Variants in UPF3A observed in about 807,000 individuals in gnomAD.
The protein encoded by UPF3A is regulator of nonsense transcripts 3A.
Under a neutral mutation model 53.5 loss-of-function variants are expected in UPF3A, and 42 were observed. The ratio of observed to expected loss-of-function variants is 0.78; its 90% CI spans 0.61 to 1.01. The LOEUF (loss-of-function observed/expected upper bound fraction) is 1.01. UPF3A is among the 50% of genes least tolerant of loss of function. The probability of loss-of-function intolerance (pLI) is 0.00; values close to 1 mark genes in which losing one functional copy is unlikely to be tolerated. For synonymous variants in UPF3A, 237 were observed against 225.3 expected (o/e 1.05, Z -0.47); for missense variants, 575 against 598.0 (o/e 0.96, Z 0.40).
intron 3 of UPF3A, among the ~76,000 whole-genome samples, chr13:114,284,534 T>TA (rs535271853): frequency 0.058 from 7,311 of 126,460 alleles, 206 homozygotes; most frequent in African/African-American, 0.071. Context: ...CTGTCTCTAC[T>TA]AAAAAAAAAA....
In UPF3A at chr13:114,304,823, C is replaced by T. The variant is rs1249812353; in HGVS notation, c.1337C>T (p.Ala446Val). 1 of 1,613,842 alleles carries T rather than the reference C, an allele frequency of 6.2e-7. No individual in the cohort carries two copies. The highest frequency in any genetic ancestry group is 8.5e-7 in the Non-Finnish European group (1 of 1,179,798). Reference sequence around the variant, plus strand: ...GCCTTGCAGCTGTATGATCCAGGAGCTCGCTTCCGAGCGCGAGAGTGTGGC... The same window carrying T: ...GCCTTGCAGCTGTATGATCCAGGAGTTCGCTTCCGAGCGCGAGAGTGTGGC... ...RPALQLYDPG[A>V]RFRARECGGN... The change falls in exon 10 of 10, where the codon GCT becomes GTT. Residue 446 changes from alanine (A) to valine (V), a missense_variant. Transcript: ENST00000375299.
chr13:114,300,916 C>G (rs1293630657), intron 8 of UPF3A, among the ~76,000 whole-genome samples: 1 of 151,834 alleles, frequency 6.6e-6, no homozygotes, highest in African/African-American at 2.4e-5. Flanking sequence ...CTCAAATGAT[C>G]TGCCTGCCCC....
intron 2 of UPF3A, 38 bp from the exon 3 acceptor site, chr13:114,282,799 T>G: frequency 3.2e-6 from 5 of 1,582,072 alleles, no homozygotes; most frequent in Non-Finnish European, 4.3e-6. Flanking sequence ...ACTATTGTAT[T>G]TTTCACTGAC....
chr13:114,286,430 AGCTGCC>A (rs1358250699), intron 4 of UPF3A, 30 bp downstream of exon 4: 1 of 1,613,040 alleles, frequency 6.2e-7, no homozygotes, highest in Admixed American at 1.7e-5. Flanking sequence ...TACGTTATGA[AGCTGCC>A]AAATTAAGAA....
chr13:114,282,487 G>T (rs575772588), intron 2 of UPF3A: 1 of 985,414 alleles, frequency 1.0e-6, no homozygotes, highest in African/African-American at 1.7e-5. Flanking sequence ...TGGCCTCCAC[G>T]CTGGTGCCGC....
chr13:114,288,721 A>C (rs1450610640), intron 5 of UPF3A, among the ~76,000 whole-genome samples: 1 of 152,116 alleles, frequency 6.6e-6, no homozygotes, highest in East Asian at 1.9e-4. Context: ...CGACAGACGG[A>C]TAGGGTGTGG....
At chr13:114,295,105 C>G (rs2085748332) in intron 7 of UPF3A, among the ~76,000 whole-genome samples, 1 of 142,750 alleles carries the variant, frequency 7.0e-6, no homozygotes, top group Non-Finnish European at 1.5e-5. Context: ...GAGCAAGACT[C>G]CGTCTCAAAA....
rs2084259179 is a variant in UPF3A, at chr13:114,282,865, T to C, written c.343T>C (p.Tyr115His). 6.2e-7 allele frequency: 1 copy of C among 1,610,990 alleles called. No individual in the cohort carries two copies. Among genetic ancestry groups the C allele is most frequent in the Non-Finnish European group, 8.5e-7 (1 of 1,177,952 alleles). ...TTATCCTCATCTCTACTCAAGAGCA[T>C]ACATTAATTTTAGGAATCCTGATGA... Reference protein sequence around the residue: ...SLYPHLYSRAYINFRNPDDIL... With the variant: ...SLYPHLYSRAHINFRNPDDIL... Residue 115 changes from tyrosine (Y) to histidine (H), a missense_variant, in exon 3 of 10, where the codon TAC (tyrosine) becomes CAC (histidine). Physicochemically the swap from Tyr to His is moderately conservative, Grantham distance 83. This residue lies in a region of UPF3A where 252 missense variants were observed against 182.7 expected (regional missense o/e 1.38). Transcript: ENST00000375299.
At position 114,281,895 on chromosome 13, in the gene UPF3A, T is replaced by TGAGTGGAGGGAGTGGAGG. The variant is rs771513325; in HGVS notation, c.207+61_207+62insTGGAGGGAGTGGAGGGAG. Reference sequence around the variant, plus strand: ...AAACCTCGCGAGGAGAGGACGGCCCTGAGTGGAGGGAGGGGAGGGAGGGGA... The same window carrying TGAGTGGAGGGAGTGGAGG: ...AAACCTCGCGAGGAGAGGACGGCCCTGAGTGGAGGGAGTGGAGGGAGTGGAGGGAGGGGAGGGAGGGGA... On this transcript the variant is annotated intron_variant, in intron 1 of 9. Coordinates refer to ENST00000375299, the MANE Select transcript of UPF3A (RefSeq NM_023011.4). 4.8e-6 allele frequency: 4 copies of TGAGTGGAGGGAGTGGAGG among 833,774 alleles called. No individual in the cohort carries two copies. The African/African-American group carries it at 1.2e-4, about 24-fold the overall frequency. 51.6% of individuals were successfully genotyped at this position (833,774 alleles called of 1,614,324 possible).
intron 5 of UPF3A, chr13:114,286,843 T>C: frequency 1.8e-6 from 1 of 556,926 alleles, no homozygotes; most frequent in South Asian, 2.3e-5. Context: ...CACGTGATTT[T>C]TTTAGTTAAG....
chr13:114,299,346 T>A (rs1180678509), intron 8 of UPF3A, among the ~76,000 whole-genome samples: 1 of 152,244 alleles, frequency 6.6e-6, no homozygotes, highest in East Asian at 1.9e-4. Flanking sequence ...TTTTGTTTTT[T>A]ATTTTTCTCT....
At chr13:114,298,602 C>A (rs1037579543) in intron 7 of UPF3A, among the ~76,000 whole-genome samples, 1 of 152,142 alleles carries the variant, frequency 6.6e-6, no homozygotes, top group East Asian at 1.9e-4. Flanking sequence ...TTATTCATTA[C>A]GTGAACATCT....
intron 5 of UPF3A, among the ~76,000 whole-genome samples, chr13:114,290,947 C>G (rs749937133): frequency 2.0e-5 from 3 of 151,732 alleles, no homozygotes; most frequent in African/African-American, 7.3e-5. Context: ...GTTGGTCAGG[C>G]TGGTCTCGAA....
rs527994585 is a variant in UPF3A at position 114,287,876 on chromosome 13, G to T, written c.631+1247G>T. On this transcript the variant is annotated intron_variant, in intron 5 of 9. Coordinates refer to ENST00000375299, the MANE Select transcript of UPF3A (RefSeq NM_023011.4). ...GGCTGGAGTGCGGTGGCACAATCTC[G>T]GCTCACTGCAACCTCTGCCTTCCCA... Among the ~76,000 whole-genome samples, 8 of 152,078 alleles carry T rather than the reference G, an allele frequency of 5.3e-5. 1 individual carries two copies. The South Asian group carries it at 1.7e-3, about 32-fold the overall frequency.
rs760010462 is a variant in UPF3A, at chr13:114,281,987, C to T, written c.208-34C>T. On this transcript the variant is annotated intron_variant, in intron 1 of 9. Transcript: ENST00000375299. Reference sequence around the variant, plus strand: ...CCTTTTGAGCTCCTTGTCCACGCTCCGCCCCGGTGGGAACGGCCGCGCGCT... The same window carrying T: ...CCTTTTGAGCTCCTTGTCCACGCTCTGCCCCGGTGGGAACGGCCGCGCGCT... 4 of 1,530,368 alleles carry T rather than the reference C, an allele frequency of 2.6e-6. 1 individual carries two copies. In the South Asian group the frequency reaches 3.6e-5, roughly 14 times the overall value. The allele number at this position is 1,530,368 out of a possible 1,614,324, so 94.8% of individuals were successfully genotyped here. A position where few individuals can be genotyped will look rare whatever the true frequency, so the allele number is the denominator to read the frequency against.
Position 114,304,923 on chromosome 13 carries a change from T to C in UPF3A, c.*6T>C. On this transcript the variant is annotated 3_prime_UTR_variant, in exon 10 of 10. Coordinates refer to ENST00000375299, the MANE Select transcript of UPF3A (RefSeq NM_023011.4). ...AGAGGGAAGAGGCAGAGTGAGTCAC[T>C]GCACGCACCTGGCCTCCATGGACGA... 1.2e-6 allele frequency: 2 copies of C among 1,611,528 alleles called. No individual in the cohort carries two copies. The highest frequency in any genetic ancestry group is 1.7e-6 in the Non-Finnish European group (2 of 1,178,854).
chr13:114,297,078 T>C (rs996229736), intron 7 of UPF3A, among the ~76,000 whole-genome samples: 3 of 152,224 alleles, frequency 2.0e-5, no homozygotes, highest in African/African-American at 7.2e-5. Context: ...CCACCTTGCA[T>C]GATGCGTTGT....
At position 114,302,040 on chromosome 13, in the gene UPF3A, C is replaced by T; in HGVS notation, c.1302+15C>T. 6.6e-7 allele frequency: 1 copy of T among 1,504,160 alleles called. No homozygotes were observed. Among genetic ancestry groups the T allele is most frequent in the Non-Finnish European group, 8.9e-7 (1 of 1,126,466 alleles). 93.2% of individuals were successfully genotyped at this position (1,504,160 alleles called of 1,614,324 possible). A position where few individuals can be genotyped will look rare whatever the true frequency, so the allele number is the denominator to read the frequency against. ...TGGCAAACAAGGTTTTTATTAAACC[C>T]AAAAAGAAAAATGTGTCTGGCTGTC... is the stretch of plus-strand genomic sequence containing the variant. On this transcript the variant is annotated intron_variant, in intron 9 of 9. Coordinates refer to ENST00000375299, the MANE Select transcript of UPF3A (RefSeq NM_023011.4).
At chr13:114,295,237 TGGGAGGGAGCACAGCTG>T (rs1360838234) in intron 7 of UPF3A, among the ~76,000 whole-genome samples, 2 of 152,130 alleles carry the variant, frequency 1.3e-5, no homozygotes, top group African/African-American at 4.8e-5. Flanking sequence ...AGGCGAGGGC[TGGGAGGGAGCACAGCTG>T]CCCATGCGCT....
Sources: allele counts gnomAD v4.1 joint callset (sites outside exome capture counted in the v4.1 genomes callset), GRCh38; gene constraint gnomAD v4.1.1; regional missense constraint gnomAD v4.1.1; transcripts MANE v1.5; gene names NCBI Gene and HGNC (gene_info 2026-07-23, HGNC 2026-07-21).